Variants in ADGRL3 observed in about 807,000 individuals in gnomAD.
The protein encoded by ADGRL3 is adhesion G protein-coupled receptor L3, also known as calcium-independent alpha-latrotoxin receptor 3.
Under a neutral mutation model 153.5 loss-of-function variants are expected in ADGRL3, and 62 were observed. The observed-to-expected ratio is 0.40, with a 90% CI of 0.33 to 0.50. ADGRL3 has a LOEUF of 0.50. Among genes scored for constraint, ADGRL3 ranks in the 20% least tolerant of loss-of-function variants. The probability of loss-of-function intolerance (pLI) is 0.47; values close to 1 mark genes in which losing one functional copy is unlikely to be tolerated. For synonymous variants in ADGRL3, 710 were observed against 672.5 expected, an observed-to-expected ratio of 1.06 and a Z score of -0.86; for missense variants, 1,641 against 1,859.4, an observed-to-expected ratio of 0.88 and a Z score of 2.16.
intron 8 of ADGRL3, among the ~76,000 whole-genome samples, chr4:61,753,242 A>C (rs1156245820): frequency 1.3e-5 from 2 of 152,010 alleles, no homozygotes; most frequent in African/African-American, 2.4e-5. Flanking sequence ...AAAAAAAAAA[A>C]AAACAAAGAT....
At chr4:61,972,275 G>T (rs1405795404) in intron 17 of ADGRL3, among the ~76,000 whole-genome samples, 1 of 152,146 alleles carries the variant, frequency 6.6e-6, no homozygotes, top group Admixed American at 6.5e-5. Flanking sequence ...TTCTTCTAGG[G>T]TTTTTATGGT....
intron 11 of ADGRL3, among the ~76,000 whole-genome samples, chr4:61,897,095 C>T (rs1271546593): frequency 1.3e-5 from 2 of 152,074 alleles, no homozygotes; most frequent in Non-Finnish European, 1.5e-5. Context: ...CTCTGCAGCC[C>T]AGCTAATCTT....
intron 1 of ADGRL3, among the ~76,000 whole-genome samples, chr4:61,318,776 G>A (rs2095291662): frequency 6.6e-6 from 1 of 152,096 alleles, no homozygotes; most frequent in African/African-American, 2.4e-5. Context: ...TAAACTATAT[G>A]ATTGCAAAAA....
chr4:61,600,554 T>C lies in ADGRL3; in HGVS notation c.473+13114T>C, dbSNP rs368974996. Among the ~76,000 whole-genome samples, 8 of 152,282 alleles carry C rather than the reference T, an allele frequency of 5.3e-5. No individual in the cohort carries two copies. The East Asian group carries it at 7.7e-4, about 15-fold the overall frequency. On this transcript the variant is annotated intron_variant, in intron 5 of 26. Coordinates refer to ENST00000683033, the MANE Select transcript of ADGRL3 (RefSeq NM_001387552.1). ...CCAAGCCACATGTCCTGGTACACACTGCTTTGGAGCAATTTAGAATACTTG... is the reference window on the plus strand; with the variant it reads ...CCAAGCCACATGTCCTGGTACACACCGCTTTGGAGCAATTTAGAATACTTG...
chr4:61,708,152 G>A (rs1024140156), intron 6 of ADGRL3, among the ~76,000 whole-genome samples: 1 of 152,006 alleles, frequency 6.6e-6, no homozygotes, highest in Non-Finnish European at 1.5e-5. Context: ...ATATTTTCAT[G>A]TTTATTCATG....
chr4:61,444,987 G>C (rs889564652), intron 2 of ADGRL3, among the ~76,000 whole-genome samples: 1 of 151,972 alleles, frequency 6.6e-6, no homozygotes, highest in Admixed American at 6.6e-5. Context: ...AGGAGGTCAA[G>C]GATGCAGTGA....
chr4:61,810,488 G>T (rs1358267948), intron 8 of ADGRL3, among the ~76,000 whole-genome samples: 1 of 152,290 alleles, frequency 6.6e-6, no homozygotes. Context: ...TACAGGGAAA[G>T]TATTGACAGT....
chr4:61,499,541 T>C (rs1391606066), intron 3 of ADGRL3, among the ~76,000 whole-genome samples: 2 of 152,136 alleles, frequency 1.3e-5, no homozygotes, highest in African/African-American at 2.4e-5. Flanking sequence ...ATTTTGAGAA[T>C]AAAATAAATA....
intron 1 of ADGRL3, among the ~76,000 whole-genome samples, chr4:61,355,563 G>C (rs1429877108): frequency 6.6e-5 from 10 of 152,034 alleles, no homozygotes. Context: ...TTCTAAAAGT[G>C]ACCATTTGAA....
chr4:61,797,852 T>A (rs2097433679), intron 8 of ADGRL3, among the ~76,000 whole-genome samples: 1 of 152,222 alleles, frequency 6.6e-6, no homozygotes, highest in Non-Finnish European at 1.5e-5. Context: ...CAATGTTAAA[T>A]AATTAATGTC....
chr4:61,293,564 TATA>T (rs770347451), intron 1 of ADGRL3, among the ~76,000 whole-genome samples: 8 of 152,230 alleles, frequency 5.3e-5, no homozygotes, highest in African/African-American at 9.6e-5. Context: ...CTGTGCTGCA[TATA>T]ATATTAGTAA....
intron 6 of ADGRL3, among the ~76,000 whole-genome samples, chr4:61,727,822 A>G (rs1350509914): frequency 9.2e-5 from 14 of 152,140 alleles, no homozygotes; most frequent in Non-Finnish European, 2.1e-4. Flanking sequence ...TGCAGATTCT[A>G]TTTCACCACT....
intron 4 of ADGRL3, among the ~76,000 whole-genome samples, chr4:61,569,723 A>G (rs953314552): frequency 1.1e-4 from 17 of 152,168 alleles, no homozygotes; most frequent in African/African-American, 3.6e-4. Flanking sequence ...ATTGTTTTCA[A>G]GGTTAATACA....
intron 8 of ADGRL3, among the ~76,000 whole-genome samples, chr4:61,765,451 G>A (rs1010083544): frequency 6.6e-6 from 1 of 152,086 alleles, no homozygotes; most frequent in African/African-American, 2.4e-5. Context: ...GGCTGAGCTT[G>A]GTGAGGTGTG....
intron 6 of ADGRL3, among the ~76,000 whole-genome samples, chr4:61,719,769 T>C (rs2096201873): frequency 6.6e-6 from 1 of 151,560 alleles, no homozygotes; most frequent in South Asian, 2.1e-4. Flanking sequence ...GCCTGGCTAA[T>C]TTTTGTATTT....
At chr4:61,633,223 G>T (rs148891319) in intron 5 of ADGRL3, among the ~76,000 whole-genome samples, 2 of 119,768 alleles carry the variant, frequency 1.7e-5, no homozygotes, top group Non-Finnish European at 3.5e-5. Flanking sequence ...CTGTACCTGC[G>T]TTGCAGTTTG....
At chr4:61,223,768 A>G (rs1201295191) in intron 1 of ADGRL3, among the ~76,000 whole-genome samples, 1 of 152,196 alleles carries the variant, frequency 6.6e-6, no homozygotes, top group East Asian at 1.9e-4. Flanking sequence ...GTGAAACACA[A>G]TAGAAACGAC....
chr4:62,007,356 TTATATATATATATATA>T (rs71666906), intron 21 of ADGRL3, among the ~76,000 whole-genome samples: 1 of 30,914 alleles, frequency 3.2e-5, no homozygotes, highest in Non-Finnish European at 6.3e-5. Context: ...GACAAAATGA[TTATATATATATATATA>T]TATATATATA....
At chr4:61,295,595 A>G (rs1363123996) in intron 1 of ADGRL3, among the ~76,000 whole-genome samples, 2 of 152,074 alleles carry the variant, frequency 1.3e-5, no homozygotes, top group Non-Finnish European at 2.9e-5. Context: ...AGTTAAATAT[A>G]TTTTCATACC....
Sources: allele counts gnomAD v4.1 joint callset (sites outside exome capture counted in the v4.1 genomes callset), GRCh38; gene constraint gnomAD v4.1.1; transcripts MANE v1.5; gene names NCBI Gene and HGNC (gene_info 2026-07-23, HGNC 2026-07-21).